CRTC1: variants seen among roughly 807,000 people sequenced by gnomAD.
CRTC1 encodes the protein CREB-regulated transcription coactivator 1.
CRTC1 carries 18 observed loss-of-function variants against 66.1 expected under a neutral mutation model. The observed-to-expected ratio is 0.27, with a 90% CI of 0.19 to 0.40. CRTC1 has a LOEUF of 0.40. CRTC1 is among the 10% of genes least tolerant of loss of function. CRTC1 has a pLI of 1.00. For missense variants in CRTC1, 669 were observed against 887.9 expected, an observed-to-expected ratio of 0.75 and a Z score of 3.13; for synonymous variants, 416 against 398.8, an observed-to-expected ratio of 1.04 and a Z score of -0.51.
chr19:18,752,588 T>A (rs975720515), intron 5 of CRTC1, among the ~76,000 whole-genome samples: 4 of 151,588 alleles, frequency 2.6e-5, no homozygotes, highest in Non-Finnish European at 5.9e-5. Context: ...CAAAGTGCTG[T>A]AATTACAGGT....
At chr19:18,703,104 T>C (rs539444700) in intron 1 of CRTC1, among the ~76,000 whole-genome samples, 1 of 152,212 alleles carries the variant, frequency 6.6e-6, no homozygotes, top group African/African-American at 2.4e-5. Context: ...TGCCTCAGCC[T>C]CCCGAGTAGC....
intron 1 of CRTC1, among the ~76,000 whole-genome samples, chr19:18,695,784 G>T (rs1394510187): frequency 1.3e-5 from 2 of 152,284 alleles, no homozygotes; most frequent in East Asian, 3.9e-4. Context: ...AGAATGGCGT[G>T]AACCCGGGAG....
intron 1 of CRTC1, among the ~76,000 whole-genome samples, chr19:18,734,194 G>C (rs1231011692): frequency 6.6e-6 from 1 of 152,074 alleles, no homozygotes; most frequent in Non-Finnish European, 1.5e-5. Flanking sequence ...GGGAGTGACT[G>C]CTGATGGGGA....
intron 6 of CRTC1, among the ~76,000 whole-genome samples, chr19:18,756,799 G>T (rs190913613): frequency 3.9e-5 from 6 of 152,246 alleles, no homozygotes; most frequent in Non-Finnish European, 7.4e-5. Context: ...GGTGGTGGGT[G>T]AATTTTTAAT....
At chr19:18,770,334 A>C (rs772501813) in intron 10 of CRTC1, among the ~76,000 whole-genome samples, 1 of 152,340 alleles carries the variant, frequency 6.6e-6, no homozygotes, top group African/African-American at 2.4e-5. Flanking sequence ...CAGGTCTCAG[A>C]TGGCATAACC....
rs1438031756 is a variant in CRTC1, at chr19:18,781,904, C to G, written c.*4522C>G. The G allele has an allele frequency of 4.3e-6, 1 of 230,742 alleles. No homozygotes were observed. Among genetic ancestry groups the G allele is most frequent in the African/African-American group, 2.2e-5 (1 of 45,182 alleles). The allele number at this position is 230,742 out of a possible 1,614,324, so 14.3% of individuals were successfully genotyped here. A position where few individuals can be genotyped will look rare whatever the true frequency, so the allele number is the denominator to read the frequency against. On this transcript the variant is annotated 3_prime_UTR_variant, in exon 14 of 14. Transcript: ENST00000321949. ...AGTGTTCTGGAATTTGGGGGCAACC[C>G]TTGCCCAGCCCAGCCATCAAGAACT...
At chr19:18,693,781 G>A (rs1197423848) in intron 1 of CRTC1, among the ~76,000 whole-genome samples, 2 of 149,536 alleles carry the variant, frequency 1.3e-5, no homozygotes, top group Non-Finnish European at 3.0e-5. Flanking sequence ...TTCCCGGCCC[G>A]CTTAACTCTT....
chr19:18,760,265 G>A lies in CRTC1; in HGVS notation c.886+37G>A. The stretch of plus-strand genomic sequence containing the variant: ...ACACTCCGCCCTCGGACAGAGCACT[G>A]GCTTGTGGAGACAACACGGGCATCT... On this transcript the variant is annotated intron_variant, in intron 8 of 13. Transcript: ENST00000321949. The surrounding 1 kb of genome is among the most constrained non-coding windows in gnomAD (Gnocchi z 6.2). 2.0e-6 allele frequency: 3 copies of A among 1,488,150 alleles called. No homozygotes were observed. Among genetic ancestry groups the A allele is most frequent in the South Asian group, 2.4e-5 (2 of 84,498 alleles). 92.2% of individuals were successfully genotyped at this position (1,488,150 alleles called of 1,614,324 possible).
chr19:18,709,986 C>G (rs893093293), intron 1 of CRTC1, among the ~76,000 whole-genome samples: 1 of 152,170 alleles, frequency 6.6e-6, no homozygotes, highest in Non-Finnish European at 1.5e-5. Context: ...CCACAAAGCT[C>G]AGCTCTCTTG....
At chr19:18,762,952 A>G (rs1156251311) in intron 8 of CRTC1, among the ~76,000 whole-genome samples, 1 of 152,230 alleles carries the variant, frequency 6.6e-6, no homozygotes, top group South Asian at 2.1e-4. Flanking sequence ...TAATACAGCC[A>G]CACGCCACAT....
chr19:18,777,180 A>T lies in CRTC1; in HGVS notation c.1703A>T (p.Glu568Val). Reference sequence around the variant, plus strand: ...CCACCCCATCCCCCAGTGACAGGAGAGTCCCCCCCCAGCCTCTCTAAAGAA... The same window carrying T: ...CCACCCCATCCCCCAGTGACAGGAGTGTCCCCCCCCAGCCTCTCTAAAGAA... ...IPNIILTVTG[E>V]SPPSLSKELT... Residue 568 changes from glutamate to valine, a missense_variant, in exon 14 of 14, where the codon GAG becomes GTG. Glu to Val is a moderately radical substitution (Grantham distance 121). Around this residue, in one of 8 missense-constraint regions of CRTC1, gnomAD observed 91 missense variants for 99.1 expected, o/e 0.92. Coordinates refer to ENST00000321949, the MANE Select transcript of CRTC1 (RefSeq NM_015321.3). The surrounding 1 kb of genome is among the most constrained non-coding windows in gnomAD (Gnocchi z 5.5). 5 of 1,065,606 alleles carry T rather than the reference A, an allele frequency of 4.7e-6. No homozygotes were observed. Among genetic ancestry groups the T allele is most frequent in the Non-Finnish European group, 6.7e-6 (5 of 747,602 alleles). The allele number at this position is 1,065,606 out of a possible 1,614,324, so 66.0% of individuals were successfully genotyped here. A position where few individuals can be genotyped will look rare whatever the true frequency, so the allele number is the denominator to read the frequency against.
intron 4 of CRTC1, among the ~76,000 whole-genome samples, chr19:18,747,764 C>T (rs1177973340): frequency 6.6e-6 from 1 of 152,130 alleles, no homozygotes; most frequent in Admixed American, 6.6e-5. Flanking sequence ...ATTATATTAA[C>T]ACATTTAGGA....
At chr19:18,763,246 G>A (rs1279056038) in intron 8 of CRTC1, among the ~76,000 whole-genome samples, 5 of 151,936 alleles carry the variant, frequency 3.3e-5, no homozygotes, top group African/African-American at 4.8e-5. Flanking sequence ...GAGTACAGGC[G>A]CCCACCACCA....
chr19:18,693,759 C>T (rs980688490), intron 1 of CRTC1, among the ~76,000 whole-genome samples: 10 of 151,406 alleles, frequency 6.6e-5, no homozygotes, highest in Non-Finnish European at 8.8e-5. Context: ...GGATTACAGG[C>T]GTGAGCCACC....
chr19:18,739,653 G>A (rs1306124902), intron 1 of CRTC1, among the ~76,000 whole-genome samples: 1 of 152,228 alleles, frequency 6.6e-6, no homozygotes, highest in African/African-American at 2.4e-5. Flanking sequence ...GGGGGGCAGG[G>A]GACTGTGATG....
chr19:18,707,614 G>A (rs2053294616), intron 1 of CRTC1, among the ~76,000 whole-genome samples: 1 of 150,194 alleles, frequency 6.7e-6, no homozygotes, highest in South Asian at 2.1e-4. Flanking sequence ...TTTTAGGGTG[G>A]ATTTTTTTCT....
At position 18,780,364 on chromosome 19, in the gene CRTC1, G is replaced by A. The variant is rs1430221887; in HGVS notation, c.*2982G>A. The A allele has an allele frequency of 4.3e-6, 1 of 232,230 alleles. No individual in the cohort carries two copies. Among genetic ancestry groups the A allele is most frequent in the Non-Finnish European group, 8.5e-6 (1 of 117,482 alleles). The allele number at this position is 232,230 out of a possible 1,614,324, so 14.4% of individuals were successfully genotyped here. ...CCTGTTTCGCCGACGTCACTACCCA[G>A]GGTGGCAAGTCTTGCAGGCAGAGGG... On this transcript the variant is annotated 3_prime_UTR_variant, in exon 14 of 14. Coordinates refer to ENST00000321949, the MANE Select transcript of CRTC1 (RefSeq NM_015321.3).
chr19:18,705,195 C>A (rs903352505), intron 1 of CRTC1, among the ~76,000 whole-genome samples: 1 of 152,120 alleles, frequency 6.6e-6, no homozygotes, highest in African/African-American at 2.4e-5. Context: ...GGACATTTGG[C>A]TGGTTTCACC....
chr19:18,737,643 A>G (rs991221358), intron 1 of CRTC1, among the ~76,000 whole-genome samples: 5 of 151,910 alleles, frequency 3.3e-5, no homozygotes, highest in African/African-American at 4.8e-5. Flanking sequence ...TCTTGAATCA[A>G]TGGTTTTGAG....
Sources: allele counts gnomAD v4.1 joint callset (sites outside exome capture counted in the v4.1 genomes callset), GRCh38; gene constraint gnomAD v4.1.1; regional missense constraint gnomAD v4.1.1; non-coding constraint Gnocchi (gnomAD v3.1); transcripts MANE v1.5; gene names NCBI Gene and HGNC (gene_info 2026-07-23, HGNC 2026-07-21).